MMP26: variants seen among roughly 807,000 people sequenced by gnomAD.
MMP26 encodes matrix metallopeptidase 26.
In MMP26, 33 loss-of-function variants were observed where a neutral mutation model predicts 31.0. The ratio of observed to expected loss-of-function variants is 1.06; its 90% confidence interval spans 0.81 to 1.42. The LOEUF (loss-of-function observed/expected upper bound fraction) is 1.42. Among genes scored for constraint, MMP26 ranks in the 40% most tolerant of loss-of-function variants. The pLI is 0.00. For synonymous variants in MMP26, 122 were observed against 114.9 expected, an observed-to-expected ratio of 1.06 and a Z score of -0.40; for missense variants, 347 against 316.1, an observed-to-expected ratio of 1.10 and a Z score of -0.74.
intron 2 of MMP26, among the ~76,000 whole-genome samples, chr11:4,838,909 C>T (rs1849757610): frequency 6.6e-6 from 1 of 152,132 alleles, no homozygotes. Context: ...TAAAAACCTA[C>T]CTTGAATCGC....
At chr11:4,709,929 G>A (rs763935320) in intron 1 of MMP26, 13 of 456,802 alleles carry the variant, frequency 2.8e-5, no homozygotes, top group South Asian at 1.1e-4. Flanking sequence ...TTTGGCAATG[G>A]CCTTTGACCG....
At position 4,854,949 on chromosome 11, in the gene MMP26, CAG is replaced by C. The variant is rs780602374; in HGVS notation, c.-145+87609_-145+87610del. On this transcript the variant is annotated intron_variant, in intron 2 of 7. Coordinates refer to ENST00000380390, the MANE Select transcript of MMP26 (RefSeq NM_021801.5). Reference sequence around the variant, plus strand: ...CCTCCGCTGGTGATACCCAAGCAAACAGGGTCTGGAGCGGACCTCCAGCAAAC... The same window carrying C: ...CCTCCGCTGGTGATACCCAAGCAAACGGTCTGGAGCGGACCTCCAGCAAAC... Among the ~76,000 whole-genome samples, 3 of 152,322 alleles carry C rather than the reference CAG, an allele frequency of 2.0e-5. No individual in the cohort carries two copies. In the South Asian group the frequency reaches 6.2e-4, roughly 32 times the overall value.
intron 2 of MMP26, among the ~76,000 whole-genome samples, chr11:4,885,639 AT>A (rs1214301955): frequency 6.6e-6 from 1 of 152,116 alleles, no homozygotes; most frequent in Non-Finnish European, 1.5e-5. Context: ...TCAGAAAAAA[AT>A]CCCCCTTATT....
chr11:4,735,373 C>T (rs993358135), intron 1 of MMP26, among the ~76,000 whole-genome samples: 9 of 152,038 alleles, frequency 5.9e-5, no homozygotes, highest in African/African-American at 7.2e-5. Flanking sequence ...GATATACATG[C>T]GTGCATGTGT....
intron 2 of MMP26, chr11:4,875,852 G>C (rs534748358): frequency 2.6e-5 from 4 of 152,102 alleles, no homozygotes; most frequent in African/African-American, 9.7e-5. Flanking sequence ...TCTTTTTAAA[G>C]TTCCTTGGGA....
chr11:4,726,048 CA>C (rs1848094413), intron 1 of MMP26, among the ~76,000 whole-genome samples: 2 of 152,148 alleles, frequency 1.3e-5, no homozygotes, highest in African/African-American at 4.8e-5. Flanking sequence ...TTCACCAGAC[CA>C]AAAGAACCTC....
At chr11:4,991,566 T>C in intron 6 of MMP26, 70 bp downstream of exon 6, 1 of 1,574,360 alleles carries the variant, frequency 6.4e-7, no homozygotes, top group Non-Finnish European at 8.7e-7. Context: ...ATGGTTTCCA[T>C]TTAGGGATCC....
intron 2 of MMP26, among the ~76,000 whole-genome samples, chr11:4,889,268 A>G (rs1850584411): frequency 6.6e-6 from 1 of 152,154 alleles, no homozygotes; most frequent in Admixed American, 6.5e-5. Flanking sequence ...TATGCATCTT[A>G]CCTACACACA....
chr11:4,909,287 G>T (rs1300354099), intron 2 of MMP26: 1 of 152,030 alleles, frequency 6.6e-6, no homozygotes, highest in African/African-American at 2.4e-5. Flanking sequence ...AAAATCAAAA[G>T]AGTATACAGT....
chr11:4,772,458 G>A (rs1012958647), intron 2 of MMP26, among the ~76,000 whole-genome samples: 1 of 152,110 alleles, frequency 6.6e-6, no homozygotes, highest in African/African-American at 2.4e-5. Flanking sequence ...TTGAACCATA[G>A]GGAGAATGAT....
At chr11:4,731,090 G>A (rs567154765) in intron 1 of MMP26, among the ~76,000 whole-genome samples, 11 of 152,124 alleles carry the variant, frequency 7.2e-5, no homozygotes, top group African/African-American at 1.2e-4. Flanking sequence ...GATTACAGGC[G>A]TGCACCACCA....
At chr11:4,914,680 G>A in intron 2 of MMP26, 1 of 1,399,546 alleles carries the variant, frequency 7.1e-7, no homozygotes, top group Non-Finnish European at 1.0e-6. Context: ...GCAAACAAGG[G>A]CACGTTTCAG....
chr11:4,958,603 A>T (rs1424158017), intron 2 of MMP26, among the ~76,000 whole-genome samples: 1 of 152,042 alleles, frequency 6.6e-6, no homozygotes, highest in Non-Finnish European at 1.5e-5. Flanking sequence ...ATATCCATCT[A>T]TCATCTATCT....
chr11:4,820,906 G>A (rs1442258130), intron 2 of MMP26, among the ~76,000 whole-genome samples: 1 of 151,776 alleles, frequency 6.6e-6, no homozygotes, highest in African/African-American at 2.4e-5. Context: ...TGTTTTTTTG[G>A]GCCACCCTAT....
At chr11:4,759,358 G>T (rs1387796884) in intron 1 of MMP26, among the ~76,000 whole-genome samples, 1 of 152,072 alleles carries the variant, frequency 6.6e-6, no homozygotes, top group Non-Finnish European at 1.5e-5. Flanking sequence ...AAGCACTTAA[G>T]ACTTCATTTC....
At chr11:4,767,941 C>T (rs1225289016) in intron 2 of MMP26, among the ~76,000 whole-genome samples, 2 of 152,080 alleles carry the variant, frequency 1.3e-5, no homozygotes, top group African/African-American at 4.8e-5. Context: ...AAAGAGTTAC[C>T]ATAAGTTCGT....
intron 1 of MMP26, among the ~76,000 whole-genome samples, chr11:4,731,591 A>G (rs907839484): frequency 2.6e-5 from 4 of 152,174 alleles, no homozygotes; most frequent in Admixed American, 6.5e-5. Flanking sequence ...TCTAGACGAT[A>G]AGGAAAGGCA....
chr11:4,751,218 A>G (rs974341416), intron 1 of MMP26, among the ~76,000 whole-genome samples: 1 of 152,132 alleles, frequency 6.6e-6, no homozygotes, highest in African/African-American at 2.4e-5. Context: ...CTACTATGTG[A>G]AAGGTGTTCT....
intron 2 of MMP26, among the ~76,000 whole-genome samples, chr11:4,906,860 G>A (rs575213542): frequency 4.6e-5 from 7 of 152,038 alleles, no homozygotes; most frequent in African/African-American, 1.7e-4. Flanking sequence ...GGAGGCCAAG[G>A]CAGGTGGATC....
Sources: gnomAD v4.1 joint callset for allele counts (sites outside exome capture counted in the v4.1 genomes callset) on GRCh38, gnomAD v4.1.1 for gene constraint, MANE v1.5 for transcripts, NCBI Gene and HGNC (gene_info 2026-07-23, HGNC 2026-07-21) for gene names.